Variants in NUDC observed in about 807,000 individuals in gnomAD.
The protein encoded by NUDC is nuclear distribution C, dynein complex regulator.
Under a neutral mutation model 45.0 loss-of-function variants are expected in NUDC, and 14 were observed. That is an observed-to-expected ratio of 0.31 (90% CI 0.21 to 0.49). The LOEUF (loss-of-function observed/expected upper bound fraction) is 0.49, where lower values mean the gene tolerates loss of function less well. Among genes scored for constraint, NUDC ranks in the 20% least tolerant of loss-of-function variants. The probability of loss-of-function intolerance (pLI) is 0.99; values close to 1 mark genes in which losing one functional copy is unlikely to be tolerated. For missense variants in NUDC, 323 were observed against 426.2 expected (o/e 0.76, Z 2.13); for synonymous variants, 153 against 156.7 (o/e 0.98, Z 0.17).
chr1:26,933,820 C>T (rs890870844), intron 2 of NUDC, among the ~76,000 whole-genome samples: 1 of 152,164 alleles, frequency 6.6e-6, no homozygotes, highest in Admixed American at 6.6e-5. Context: ...TGTTCTCATG[C>T]TGCTATGAAG....
At chr1:26,918,748 G>T (rs1479176823), upstream of NUDC, among the ~76,000 whole-genome samples, 5 of 148,648 alleles carry the variant, frequency 3.4e-5, no homozygotes, top group African/African-American at 1.2e-4. Context: ...CTAAGTTTTT[G>T]TATTTTTAGT....
intron 2 of NUDC, among the ~76,000 whole-genome samples, chr1:26,932,372 A>G (rs1428748888): frequency 6.6e-6 from 1 of 151,608 alleles, no homozygotes; most frequent in Non-Finnish European, 1.5e-5. Flanking sequence ...GTAGAGATGA[A>G]GTTTCACCAT....
At chr1:26,907,600 G>T (rs550197942) in intron 2 of NUDC, among the ~76,000 whole-genome samples, 5 of 151,044 alleles carry the variant, frequency 3.3e-5, no homozygotes, top group Non-Finnish European at 5.9e-5. Context: ...GACACAGCAT[G>T]CGTCAGCTGT....
In NUDC at chr1:26,900,398, C is replaced by G. The variant is rs372404785; in HGVS notation, c.-103C>G. On this transcript the variant is annotated splice_region_variant and 5_prime_UTR_variant, in exon 1 of 7. Transcript: ENST00000435827. Reference sequence around the variant, plus strand: ...ACACGGAGGGGATACCGCTCACTACCAGGTAAACTGTCGCCTCCTCCTCCG... The same window carrying G: ...ACACGGAGGGGATACCGCTCACTACGAGGTAAACTGTCGCCTCCTCCTCCG... 3.6e-5 allele frequency: 58 copies of G among 1,613,072 alleles called. 1 individual carries two copies. Among genetic ancestry groups the G allele is most frequent in the Middle Eastern group, 1.7e-4 (1 of 5,960 alleles).
Position 26,942,740 on chromosome 1 carries a change from C to T in NUDC, c.510C>T (p.Pro170=), listed in dbSNP as rs1237002736. 1.2e-6 allele frequency: 2 copies of T among 1,614,070 alleles called. No homozygotes were observed. The highest frequency in any genetic ancestry group is 1.7e-5 in the Admixed American group (1 of 60,000). The change falls in exon 5 of 9, where the codon CCC becomes CCT. Residue 170 remains proline, a synonymous_variant. Coordinates refer to ENST00000321265, the MANE Select transcript of NUDC (RefSeq NM_006600.4). ...ACCTAGGCAACGGGGCAGACCTGCC[C>T]AATTACCGCTGGACCCAGACCCTGT... ...KPNLGNGADL[P]NYRWTQTLSE... is the part of the protein sequence containing the mutation.
chr1:26,944,311 C>A (rs1010373603), intron 6 of NUDC, among the ~76,000 whole-genome samples: 1 of 152,118 alleles, frequency 6.6e-6, no homozygotes, highest in African/African-American at 2.4e-5. Flanking sequence ...CGGGCTCAAA[C>A]GACCCTCCCA....
chr1:26,913,627 A>ACCT, intron 3 of NUDC: 1 of 1,614,022 alleles, frequency 6.2e-7, no homozygotes. Flanking sequence ...CTCAAAGGTC[A>ACCT]CAGCATCTTG....
At chr1:26,929,654 T>A (rs2082164465) in intron 2 of NUDC, 1 of 376,398 alleles carries the variant, frequency 2.7e-6, no homozygotes, top group Non-Finnish European at 5.5e-6. Context: ...TGCATTCCAC[T>A]TACATATAAT....
chr1:26,903,119 A>T (rs1042281302), intron 2 of NUDC, among the ~76,000 whole-genome samples: 7 of 152,118 alleles, frequency 4.6e-5, no homozygotes, highest in Admixed American at 2.0e-4. Context: ...TTCACAGTAT[A>T]TATAAATATT....
chr1:26,942,600 A>C (rs200669450), intron 4 of NUDC, 60 bp from the exon 5 acceptor site: 2 of 1,602,830 alleles, frequency 1.2e-6, no homozygotes, highest in Non-Finnish European at 1.7e-6. Flanking sequence ...TGGCCCAGTG[A>C]GGGTTCAATC....
intron 4 of NUDC, 46 bp from the exon 5 acceptor site, chr1:26,942,614 G>A: frequency 6.2e-7 from 1 of 1,612,854 alleles, no homozygotes; most frequent in Non-Finnish European, 8.5e-7. Flanking sequence ...TTCAATCTGT[G>A]TCTTGTCTGT....
At chr1:26,900,216 T>C (rs866916834), upstream of NUDC, 1 of 1,614,098 alleles carries the variant, frequency 6.2e-7, no homozygotes, top group African/African-American at 1.3e-5. Flanking sequence ...AGAGAGAAGC[T>C]GGCCCTCAGC....
chr1:26,913,744 G>A, intron 3 of NUDC: 1 of 1,594,782 alleles, frequency 6.3e-7, no homozygotes, highest in Non-Finnish European at 8.6e-7. Flanking sequence ...GAAGGCCACT[G>A]TCTTGGCCAG....
At chr1:26,945,524 T>C in intron 7 of NUDC, 44 bp from the exon 8 acceptor site, 1 of 1,611,770 alleles carries the variant, frequency 6.2e-7, no homozygotes, top group African/African-American at 1.3e-5. Flanking sequence ...AGGGGCCTCG[T>C]TGTTTCCAGA....
chr1:26,912,921 C>CTGGCTG (rs1404695832), intron 3 of NUDC, among the ~76,000 whole-genome samples: 5 of 152,226 alleles, frequency 3.3e-5, no homozygotes, highest in Admixed American at 3.3e-4. Context: ...CTGTCCCTAC[C>CTGGCTG]TGGCTGTGTT....
At chr1:26,934,121 C>G (rs1263959010) in intron 2 of NUDC, among the ~76,000 whole-genome samples, 2 of 152,106 alleles carry the variant, frequency 1.3e-5, no homozygotes, top group Middle Eastern at 3.2e-3. Flanking sequence ...CTATGGCACT[C>G]CAGCCTGTCG....
At chr1:26,913,774 C>G in intron 3 of NUDC, 1 of 1,564,880 alleles carries the variant, frequency 6.4e-7, no homozygotes, top group Non-Finnish European at 8.7e-7. Context: ...GGCCTCCCGG[C>G]AGGTGCGATG....
At chr1:26,920,342 ATTAG>A (rs746650930), upstream of NUDC, among the ~76,000 whole-genome samples, 11 of 152,154 alleles carry the variant, frequency 7.2e-5, no homozygotes, top group East Asian at 3.9e-4. Flanking sequence ...ACAAAAAAAA[ATTAG>A]TTAGGCGTAG....
At chr1:26,905,028 G>A (rs144285666) in intron 2 of NUDC, among the ~76,000 whole-genome samples, 381 of 150,852 alleles carry the variant, frequency 2.5e-3, no homozygotes, top group African/African-American at 8.5e-3. Flanking sequence ...GTAGAGATGG[G>A]GTTTCACCAT....
Sources: gnomAD v4.1 joint callset for allele counts (sites outside exome capture counted in the v4.1 genomes callset) on GRCh38, gnomAD v4.1.1 for gene constraint, MANE v1.5 for transcripts, NCBI Gene and HGNC (gene_info 2026-07-23, HGNC 2026-07-21) for gene names.